The following ATG4D variants were observed in gnomAD, a reference collection of about 807,000 sequenced individuals.
The protein encoded by ATG4D is cysteine protease ATG4D.
A neutral mutation model predicts 55.2 loss-of-function variants in ATG4D; 51 were observed. The ratio of observed to expected loss-of-function variants is 0.92; its 90% CI spans 0.74 to 1.17. The LOEUF (loss-of-function observed/expected upper bound fraction) is 1.17. Among genes scored for constraint, ATG4D ranks in the 50% most tolerant of loss-of-function variants. ATG4D has a pLI of 0.00. For synonymous variants in ATG4D, 268 were observed against 266.2 expected (o/e 1.01, Z -0.07); for missense variants, 635 against 649.6 (o/e 0.98, Z 0.25).
At chr19:10,551,628 A>C (rs1236890551) in intron 6 of ATG4D, among the ~76,000 whole-genome samples, 1 of 139,342 alleles carries the variant, frequency 7.2e-6, no homozygotes, top group African/African-American at 2.7e-5. Flanking sequence ...TGAACTTAGG[A>C]GGCGGAGGTT....
chr19:10,553,242 C>T lies in ATG4D; in HGVS notation c.*175C>T, dbSNP rs1308470490. The T allele has an allele frequency of 3.7e-6, 3 of 812,908 alleles. No homozygotes were observed. Among genetic ancestry groups the T allele is most frequent in the East Asian group, 2.7e-5 (1 of 36,544 alleles). The allele number at this position is 812,908 out of a possible 1,614,324, so 50.4% of individuals were successfully genotyped here. A position where few individuals can be genotyped will look rare whatever the true frequency, so the allele number is the denominator to read the frequency against. Reference sequence around the variant, plus strand: ...AGGGACAGAGCCCACAGAGCCCATACACCTGTCTCCCACCAGCGGGGCCCT... The same window carrying T: ...AGGGACAGAGCCCACAGAGCCCATATACCTGTCTCCCACCAGCGGGGCCCT... On this transcript the variant is annotated 3_prime_UTR_variant, in exon 10 of 10. Coordinates refer to ENST00000309469, the MANE Select transcript of ATG4D (RefSeq NM_032885.6).
chr19:10,552,613 G>C (rs1446817848), intron 9 of ATG4D, among the ~76,000 whole-genome samples: 1 of 152,162 alleles, frequency 6.6e-6, no homozygotes, highest in Non-Finnish European at 1.5e-5. Flanking sequence ...ATGGGGGCGA[G>C]AGATGGCCAC....
rs778521770 is a variant in ATG4D, at chr19:10,548,988, G to T, written c.920G>T (p.Arg307Leu). 2 of 1,614,118 alleles carry T rather than the reference G, an allele frequency of 1.2e-6. No homozygotes were observed. Among genetic ancestry groups the T allele is most frequent in the East Asian group, 4.5e-5 (2 of 44,870 alleles). The change falls in exon 6 of 10, where the codon CGA (arginine) becomes CTA (leucine). Residue 307 changes from arginine to leucine, a missense_variant. Arg to Leu is a moderately radical substitution (Grantham distance 102). Coordinates refer to ENST00000309469, the MANE Select transcript of ATG4D (RefSeq NM_032885.6). ...WKSVVILVPV[R>L]LGGETLNPVY... ...TCTGTGGTCATCCTGGTGCCCGTGC[G>T]ACTGGGTGGCGAGACTCTCAACCCC... is the stretch of plus-strand genomic sequence containing the variant.
At chr19:10,548,331 C>G (rs768604230) in intron 5 of ATG4D, among the ~76,000 whole-genome samples, 6 of 151,984 alleles carry the variant, frequency 3.9e-5, no homozygotes, top group Non-Finnish European at 5.9e-5. Context: ...CCGTGCCCGG[C>G]TACCTCTGTA....
Position 10,551,792 on chromosome 19 carries a change from T to G in ATG4D, c.967-105T>G, listed in dbSNP as rs1466914409. The G allele has an allele frequency of 3.9e-6, 4 of 1,027,230 alleles. No homozygotes were observed. The African/African-American group carries it at 6.3e-5, about 16-fold the overall frequency. 63.6% of individuals were successfully genotyped at this position (1,027,230 alleles called of 1,614,324 possible). On this transcript the variant is annotated intron_variant, in intron 6 of 9. Coordinates refer to ENST00000309469, the MANE Select transcript of ATG4D (RefSeq NM_032885.6). Reference sequence around the variant, plus strand: ...TCCTGAGGGCAAGGGTTTTGTGGTCTTGATCACTGCTGCCCTCCAGAGGCT... The same window carrying G: ...TCCTGAGGGCAAGGGTTTTGTGGTCGTGATCACTGCTGCCCTCCAGAGGCT...
At chr19:10,548,117 G>A (rs1222566742) in intron 5 of ATG4D, among the ~76,000 whole-genome samples, 1 of 131,266 alleles carries the variant, frequency 7.6e-6, no homozygotes, top group African/African-American at 2.9e-5. Flanking sequence ...TGCAACCTCC[G>A]CCTCCTGAGT....
rs931921094 is a variant in ATG4D, at chr19:10,543,953, G to A, written c.-138G>A. On this transcript the variant is annotated 5_prime_UTR_variant, in exon 1 of 10. Transcript: ENST00000309469. ...GGCTGCGGTAGCAGCGGCGGCGGCT[G>A]TTGCCTGGCCCGGTACCCTGGGGAC... 17 of 496,590 alleles carry A rather than the reference G, an allele frequency of 3.4e-5. No homozygotes were observed. The highest frequency in any genetic ancestry group is 9.0e-5 in the Admixed American group (2 of 22,132). The allele number at this position is 496,590 out of a possible 1,614,324, so 30.8% of individuals were successfully genotyped here. A position where few individuals can be genotyped will look rare whatever the true frequency, so the allele number is the denominator to read the frequency against.
chr19:10,551,487 G>T (rs1916225720), intron 6 of ATG4D, among the ~76,000 whole-genome samples: 1 of 151,500 alleles, frequency 6.6e-6, no homozygotes, highest in East Asian at 1.9e-4. Context: ...CTGAGGTTAG[G>T]AGGAGTTCCA....
chr19:10,548,053 C>G (rs993572940), intron 5 of ATG4D, among the ~76,000 whole-genome samples: 1 of 56,412 alleles, frequency 1.8e-5, no homozygotes, highest in Non-Finnish European at 3.4e-5. Flanking sequence ...TTTTTTGAGA[C>G]AGAGTCTCAC....
chr19:10,552,355 G>T (rs778895215), intron 9 of ATG4D, 31 bp downstream of exon 9: 1 of 1,597,172 alleles, frequency 6.3e-7, no homozygotes, highest in Non-Finnish European at 8.5e-7. Context: ...AGTGGGGTGA[G>T]GGGGGCGGTT....
At chr19:10,545,396 A>C (rs1422520217) in intron 3 of ATG4D, among the ~76,000 whole-genome samples, 2 of 150,636 alleles carry the variant, frequency 1.3e-5, no homozygotes, top group Non-Finnish European at 3.0e-5. Flanking sequence ...ATATGATGAA[A>C]CCCCATCTCT....
In ATG4D at chr19:10,544,445, G is replaced by T. The variant is rs997701684; in HGVS notation, c.235+120G>T. The stretch of plus-strand genomic sequence containing the variant: ...TGAGTCACCTGTGGGTCCCCTCCCT[G>T]CCCGGCCCAGGGTGGACCTGTGGCA... On this transcript the variant is annotated intron_variant, in intron 1 of 9. Transcript: ENST00000309469. 110 of 1,000,226 alleles carry T rather than the reference G, an allele frequency of 1.1e-4. 1 individual carries two copies. Among genetic ancestry groups the T allele is most frequent in the Non-Finnish European group, 1.2e-4 (92 of 751,250 alleles). 62.0% of individuals were successfully genotyped at this position (1,000,226 alleles called of 1,614,324 possible). A position where few individuals can be genotyped will look rare whatever the true frequency, so the allele number is the denominator to read the frequency against.
In ATG4D at chr19:10,546,983, G is replaced by A. The variant is rs374239855; in HGVS notation, c.638G>A (p.Arg213Gln). ...APELEQERRH[R>Q]QIVSWFADHP... ...GAGCTGGAGCAGGAACGCCGGCACC[G>A]GCAGATTGTGTCCTGGTTCGCCGAC... Residue 213 changes from arginine (R) to glutamine (Q), a missense_variant, in exon 4 of 10, where the codon CGG becomes CAG. Arg to Gln is a conservative substitution (Grantham distance 43). Coordinates refer to ENST00000309469, the MANE Select transcript of ATG4D (RefSeq NM_032885.6). The A allele has an allele frequency of 2.2e-5, 36 of 1,602,642 alleles. No individual in the cohort carries two copies. Among genetic ancestry groups the A allele is most frequent in the Middle Eastern group, 1.7e-4 (1 of 6,042 alleles).
chr19:10,547,911 G>T (rs1179097300), intron 5 of ATG4D, among the ~76,000 whole-genome samples: 1 of 137,592 alleles, frequency 7.3e-6, no homozygotes, highest in Non-Finnish European at 1.5e-5. Context: ...TGACAAGGCC[G>T]GTCTTGAACT....
rs371300714 is a variant in ATG4D, at chr19:10,546,973, C to T, written c.628C>T (p.Arg210Cys). ...GGGTGCCCCTGAGCTGGAGCAGGAACGCCGGCACCGGCAGATTGTGTCCTG... is the reference window on the plus strand; with the variant it reads ...GGGTGCCCCTGAGCTGGAGCAGGAATGCCGGCACCGGCAGATTGTGTCCTG... ...AQGAPELEQE[R>C]RHRQIVSWFA... Residue 210 changes from arginine (R) to cysteine (C), a missense_variant, in exon 4 of 10, where the codon CGC becomes TGC. Physicochemically the swap from Arg to Cys is radical, Grantham distance 180. Coordinates refer to ENST00000309469, the MANE Select transcript of ATG4D (RefSeq NM_032885.6). The T allele has an allele frequency of 1.8e-5, 29 of 1,606,212 alleles. No individual in the cohort carries two copies. Among genetic ancestry groups the T allele is most frequent in the South Asian group, 1.3e-4 (12 of 90,356 alleles).
intron 1 of ATG4D, 57 bp downstream of exon 1, chr19:10,544,382 C>T (rs1915965111): frequency 7.9e-7 from 1 of 1,261,184 alleles, no homozygotes; most frequent in Admixed American, 3.7e-5. Flanking sequence ...GAAAACCAGA[C>T]CCCGGTCCTG....
At chr19:10,551,761 G>T in intron 6 of ATG4D, 136 bp from the exon 7 acceptor site, 1 of 697,960 alleles carries the variant, frequency 1.4e-6, no homozygotes. Flanking sequence ...ACACTAGGAT[G>T]TCAGCTCCTG....
rs1177303405 is a variant in ATG4D, at chr19:10,543,980, G to A, written c.-111G>A. 7.5e-6 allele frequency: 5 copies of A among 670,570 alleles called. No homozygotes were observed. In the Admixed American group the frequency reaches 1.8e-4, roughly 24 times the overall value. The allele number at this position is 670,570 out of a possible 1,614,324, so 41.5% of individuals were successfully genotyped here. ...TGCCTGGCCCGGTACCCTGGGGACG[G>A]GGGCCGAGTAGCGCCTTCCCCGGGC... On this transcript the variant is annotated 5_prime_UTR_variant, in exon 1 of 10. Transcript: ENST00000309469.
chr19:10,552,930 CTGGCCGAGGGCCA>C lies in ATG4D; in HGVS notation c.1291_1303del (p.Ala431LeufsTer45), dbSNP rs751717849. ...CACAGAGCGGTACCCCATGTTCACCCTGGCCGAGGGCCATGCTCAGGACCACAGCCTGGACGAC... is the reference window on the plus strand; with the variant it reads ...CACAGAGCGGTACCCCATGTTCACCCTGCTCAGGACCACAGCCTGGACGAC... On this transcript the variant is annotated frameshift_variant, in exon 10 of 10. Coordinates refer to ENST00000309469, the MANE Select transcript of ATG4D (RefSeq NM_032885.6). LOFTEE classifies it high-confidence loss of function. 1.2e-6 allele frequency: 2 copies of C among 1,613,602 alleles called. No individual in the cohort carries two copies. The highest frequency in any genetic ancestry group is 3.3e-5 in the Admixed American group (2 of 60,018).
Sources: allele counts gnomAD v4.1 joint callset (sites outside exome capture counted in the v4.1 genomes callset), GRCh38; gene constraint gnomAD v4.1.1; transcripts MANE v1.5; gene names NCBI Gene and HGNC (gene_info 2026-07-23, HGNC 2026-07-21).